The following HCN4 variants were observed in gnomAD, a reference collection of about 807,000 sequenced individuals.
HCN4 encodes hyperpolarization activated cyclic nucleotide gated potassium channel 4, also known as potassium/sodium hyperpolarization-activated cyclic nucleotide-gated channel 4.
Under a neutral mutation model 76.9 loss-of-function variants are expected in HCN4, and 29 were observed. The ratio of observed to expected loss-of-function variants is 0.38; its 90% confidence interval spans 0.28 to 0.51. The LOEUF is 0.51. Among genes scored for constraint, HCN4 ranks in the 20% least tolerant of loss-of-function variants. The pLI is 0.90. For missense variants in HCN4, 1,416 were observed against 1,715.2 expected (o/e 0.83, Z 3.08); for synonymous variants, 772 against 762.5 (o/e 1.01, Z -0.21).
Position 73,325,063 on chromosome 15 carries a change from G to T in HCN4, c.1870C>A (p.Arg624=), listed in dbSNP as rs545156905. The change falls in exon 6 of 8, where the codon CGG becomes AGG. Residue 624 remains arginine (R), a synonymous_variant. Transcript: ENST00000261917. This position sits in a 1 kb window ranked among gnomAD's most constrained non-coding sequence, Gnocchi z 7.4. The stretch of plus-strand genomic sequence containing the variant: ...ATCTTCTTGCCAATGGTGCCTTCCC[G>T]GATGATGTAGTCCCCAGGCTGGAAG... ...EVFQPGDYII[R]EGTIGKKMYF... 1.9e-6 allele frequency: 3 copies of T among 1,614,220 alleles called. No homozygotes were observed. In the South Asian group the frequency reaches 3.3e-5, roughly 18 times the overall value.
chr15:73,357,432 A>G (rs898588360), intron 1 of HCN4, among the ~76,000 whole-genome samples: 3 of 152,004 alleles, frequency 2.0e-5, no homozygotes, highest in Non-Finnish European at 2.9e-5. Flanking sequence ...CCTGTCCCAC[A>G]GGGCCCCTCC....
At chr15:73,324,866 G>A in intron 6 of HCN4, 89 bp downstream of exon 6, 1 of 1,524,280 alleles carries the variant, frequency 6.6e-7, no homozygotes, top group South Asian at 1.1e-5. Flanking sequence ...GGCCAAGAAG[G>A]GTGCTCACTG....
rs1005989648 is a variant in HCN4, at chr15:73,350,601, G to A, written c.786-6793C>T. On this transcript the variant is annotated intron_variant, in intron 1 of 7. Transcript: ENST00000261917. ...GTCAGCAGATAACACCACTTTCTAC[G>A]TCACAGAGAAAAGCAAAGCCGCCAG... Among the ~76,000 whole-genome samples, 4 of 152,072 alleles carry A rather than the reference G, an allele frequency of 2.6e-5. No individual in the cohort carries two copies. In the South Asian group the frequency reaches 6.3e-4, roughly 24 times the overall value.
intron 1 of HCN4, among the ~76,000 whole-genome samples, chr15:73,359,482 A>T (rs1445901089): frequency 6.6e-6 from 1 of 152,108 alleles, no homozygotes; most frequent in East Asian, 1.9e-4. Context: ...GAGGTGTAGG[A>T]GCTCAGGGAA....
At position 73,323,354 on chromosome 15, in the gene HCN4, C is replaced by G; in HGVS notation, c.2739G>C (p.Ala913=). The G allele has an allele frequency of 6.4e-7, 1 of 1,573,202 alleles. No individual in the cohort carries two copies. The highest frequency in any genetic ancestry group is 8.6e-7 in the Non-Finnish European group (1 of 1,159,722). The change falls in exon 8 of 8, where the codon GCG becomes GCC. Residue 913 remains alanine (A), a synonymous_variant. Coordinates refer to ENST00000261917, the MANE Select transcript of HCN4 (RefSeq NM_005477.3). ...CGGAGGAGGACAGGGAGCCACCCAG[C>G]GCCTTGTGGAAGTGGCCAAACCCGG... ...TIAGFGHFHK[A]LGGSLSSSDS...
At chr15:73,339,128 G>C (rs1353270564) in intron 2 of HCN4, among the ~76,000 whole-genome samples, 1 of 152,216 alleles carries the variant, frequency 6.6e-6, no homozygotes, top group Non-Finnish European at 1.5e-5. Flanking sequence ...GAGCCTTGCA[G>C]GGTAACGTCC....
chr15:73,327,946 C>G (rs1166607859), intron 4 of HCN4, among the ~76,000 whole-genome samples: 1 of 152,216 alleles, frequency 6.6e-6, no homozygotes, highest in Non-Finnish European at 1.5e-5. Flanking sequence ...GTGCCTGGGA[C>G]AGGCAGGCAG....
At position 73,328,375 on chromosome 15, in the gene HCN4, G is replaced by A. The variant is rs994427970; in HGVS notation, c.1590+1198C>T. On this transcript the variant is annotated intron_variant, in intron 4 of 7. Coordinates refer to ENST00000261917, the MANE Select transcript of HCN4 (RefSeq NM_005477.3). This position sits in a 1 kb window ranked among gnomAD's most constrained non-coding sequence, Gnocchi z 4.0. ...AGCTGAGCATGAGGGCAGATCCCTG[G>A]TTATGCTCCTCAAATGCCAGGCTGG... is the stretch of plus-strand genomic sequence containing the variant. 5.9e-5 allele frequency among the ~76,000 whole-genome samples: 9 copies of A among 152,004 alleles called. No individual in the cohort carries two copies. In the South Asian group the frequency reaches 1.9e-3, roughly 31 times the overall value.
rs146375527 is a variant in HCN4, at chr15:73,327,415, A to G, written c.1591-1971T>C. Among the ~76,000 whole-genome samples the G allele has an allele frequency of 8.7e-3, 1,325 of 152,126 alleles. 24 individuals carry two copies. Among genetic ancestry groups the G allele is most frequent in the African/African-American group, 0.03 (1,251 of 41,512 alleles). The stretch of plus-strand genomic sequence containing the variant: ...CGTGAGCCACAGCGCCCGGCCCCAG[A>G]TGCTTTTTCTAAACTAATCCCTGAT... On this transcript the variant is annotated intron_variant, in intron 4 of 7. Transcript: ENST00000261917.
chr15:73,353,810 CCTT>C (rs1395390566), intron 1 of HCN4, among the ~76,000 whole-genome samples: 1 of 152,078 alleles, frequency 6.6e-6, no homozygotes, highest in Non-Finnish European at 1.5e-5. Context: ...CCTCCCACAG[CCTT>C]CTTGAGCCAG....
In HCN4 at chr15:73,343,902, A is replaced by G; in HGVS notation, c.786-94T>C. ...ATCTGAGGGACAGCATCTGGGACAG[A>G]GAAGTCTTGGGAGGTTCTGAGACAG... On this transcript the variant is annotated intron_variant, in intron 1 of 7. Coordinates refer to ENST00000261917, the MANE Select transcript of HCN4 (RefSeq NM_005477.3). The surrounding 1 kb of genome is among the most constrained non-coding windows in gnomAD (Gnocchi z 5.7). 2 of 1,379,248 alleles carry G rather than the reference A, an allele frequency of 1.5e-6. No individual in the cohort carries two copies. The highest frequency in any genetic ancestry group is 2.5e-4 in the Middle Eastern group (1 of 4,000). The allele number at this position is 1,379,248 out of a possible 1,614,324, so 85.4% of individuals were successfully genotyped here.
intron 1 of HCN4, among the ~76,000 whole-genome samples, chr15:73,365,136 G>A (rs1387056760): frequency 3.9e-5 from 6 of 152,142 alleles, no homozygotes; most frequent in Non-Finnish European, 5.9e-5. Context: ...GTCGGGGTGC[G>A]GTGGGTTAGG....
intron 2 of HCN4, among the ~76,000 whole-genome samples, chr15:73,340,007 G>C (rs549109565): frequency 1.5e-3 from 234 of 152,284 alleles, no homozygotes; most frequent in Non-Finnish European, 2.6e-3. Flanking sequence ...GGCCTCCTGG[G>C]ATCTTCTTCC....
intron 2 of HCN4, among the ~76,000 whole-genome samples, chr15:73,342,563 A>G (rs2043011330): frequency 6.6e-6 from 1 of 152,184 alleles, no homozygotes; most frequent in South Asian, 2.1e-4. Context: ...GGCGCACACT[A>G]TCCTCAGATC....
At chr15:73,361,338 C>T (rs1226943956) in intron 1 of HCN4, among the ~76,000 whole-genome samples, 1 of 152,182 alleles carries the variant, frequency 6.6e-6, no homozygotes, top group Non-Finnish European at 1.5e-5. Context: ...CTTCTAGGGC[C>T]CTGGCAATGC....
chr15:73,351,328 C>T (rs2043054278), intron 1 of HCN4, among the ~76,000 whole-genome samples: 1 of 152,106 alleles, frequency 6.6e-6, no homozygotes, highest in Non-Finnish European at 1.5e-5. Context: ...TATTCTGCTG[C>T]CTTGTAAACC....
intron 1 of HCN4, among the ~76,000 whole-genome samples, chr15:73,363,758 G>C (rs1379041446): frequency 1.3e-5 from 2 of 152,206 alleles, no homozygotes; most frequent in Non-Finnish European, 2.9e-5. Context: ...GTTCACAACA[G>C]CATCACGGCT....
chr15:73,329,549 C>G (rs773515820), intron 4 of HCN4, 24 bp downstream of exon 4: 1 of 1,608,732 alleles, frequency 6.2e-7, no homozygotes, highest in South Asian at 1.1e-5. Flanking sequence ...GACCAATGTG[C>G]GGGTGCTCCC....
chr15:73,361,571 CG>C (rs2043104965), intron 1 of HCN4, among the ~76,000 whole-genome samples: 1 of 152,306 alleles, frequency 6.6e-6, no homozygotes, highest in East Asian at 1.9e-4. Context: ...GTGCAGGAGC[CG>C]GCTGCCTCCT....
Sources: gnomAD v4.1 joint callset for allele counts (sites outside exome capture counted in the v4.1 genomes callset) on GRCh38, gnomAD v4.1.1 for gene constraint, Gnocchi (gnomAD v3.1) non-coding constraint, MANE v1.5 for transcripts, NCBI Gene and HGNC (gene_info 2026-07-23, HGNC 2026-07-21) for gene names.